The following BICRAL variants were observed in gnomAD, a reference collection of about 807,000 sequenced individuals.
BICRAL encodes BRD4-interacting chromatin-remodeling complex-associated protein-like.
Under a neutral mutation model 91.8 loss-of-function variants are expected in BICRAL, and 8 were observed. That is an observed-to-expected ratio of 0.09 (90% CI 0.05 to 0.16). The LOEUF is 0.16. BICRAL is among the 10% of genes least tolerant of loss of function. The pLI, the probability that BICRAL is intolerant of heterozygous loss-of-function variation, is 1.00. For missense variants in BICRAL, 1,038 were observed against 1,310.9 expected (o/e 0.79, Z 3.21); for synonymous variants, 445 against 491.1 (o/e 0.91, Z 1.24).
At chr6:42,813,614 A>G (rs1196725231) in intron 2 of BICRAL, among the ~76,000 whole-genome samples, 3 of 152,066 alleles carry the variant, frequency 2.0e-5, no homozygotes, top group African/African-American at 7.2e-5. Flanking sequence ...CAACCTCCCC[A>G]GGCTCAGGTG....
upstream of BICRAL, among the ~76,000 whole-genome samples, chr6:42,779,271 CA>C: frequency 7.5e-6 from 1 of 132,656 alleles, no homozygotes; most frequent in African/African-American, 2.9e-5. Context: ...CACACACACA[CA>C]CATATCATTG....
At chr6:42,750,282 T>G (rs1582795322) in intron 1 of BICRAL, among the ~76,000 whole-genome samples, 1 of 152,024 alleles carries the variant, frequency 6.6e-6, no homozygotes, top group South Asian at 2.1e-4. Context: ...CACCTTAGCC[T>G]CCTGAGTAGC....
chr6:42,819,104 A>G (rs1764071833), intron 2 of BICRAL, among the ~76,000 whole-genome samples: 1 of 152,060 alleles, frequency 6.6e-6, no homozygotes, highest in Non-Finnish European at 1.5e-5. Flanking sequence ...GCCTCATAAA[A>G]TCCACCTGGG....
intron 1 of BICRAL, among the ~76,000 whole-genome samples, chr6:42,759,368 C>G (rs1762508992): frequency 6.6e-6 from 1 of 152,126 alleles, no homozygotes; most frequent in Admixed American, 6.5e-5. Flanking sequence ...AGTCTGGATG[C>G]TCTGTGTGAA....
intron 1 of BICRAL, among the ~76,000 whole-genome samples, chr6:42,757,474 G>C (rs763041294): frequency 1.3e-5 from 2 of 152,104 alleles, no homozygotes; most frequent in Admixed American, 1.3e-4. Flanking sequence ...GGATGGTCTC[G>C]ATCTCCTGAC....
chr6:42,858,123 A>G (rs1432665090), intron 10 of BICRAL, among the ~76,000 whole-genome samples: 1 of 151,414 alleles, frequency 6.6e-6, no homozygotes, highest in Non-Finnish European at 1.5e-5. Context: ...ACTGTTTCTA[A>G]TAGTTTTATG....
At position 42,866,971 on chromosome 6, in the gene BICRAL, T is replaced by A. The variant is rs905195964; in HGVS notation, c.*1525T>A. On this transcript the variant is annotated 3_prime_UTR_variant, in exon 13 of 13. Coordinates refer to ENST00000314073, the MANE Select transcript of BICRAL (RefSeq NM_001393499.1). ...GAGCTGCTCGGATCCAGAGGTCATT[T>A]TTGTTACAGTGTGTGCACACTCACT... 1.4e-5 allele frequency: 6 copies of A among 431,556 alleles called. No homozygotes were observed. Among genetic ancestry groups the A allele is most frequent in the South Asian group, 8.2e-5 (5 of 60,988 alleles). The allele number at this position is 431,556 out of a possible 1,614,324, so 26.7% of individuals were successfully genotyped here. A position where few individuals can be genotyped will look rare whatever the true frequency, so the allele number is the denominator to read the frequency against.
chr6:42,807,716 G>A (rs1333293142), intron 1 of BICRAL, among the ~76,000 whole-genome samples: 1 of 150,820 alleles, frequency 6.6e-6, no homozygotes, highest in East Asian at 2.0e-4. Context: ...TGAGGCAGGA[G>A]AATCGCTTGA....
At chr6:42,772,709 C>T (rs566005441) in intron 1 of BICRAL, among the ~76,000 whole-genome samples, 1 of 152,076 alleles carries the variant, frequency 6.6e-6, no homozygotes, top group African/African-American at 2.4e-5. Flanking sequence ...ACAACCAGCT[C>T]TAGAATCTAG....
intron 1 of BICRAL, among the ~76,000 whole-genome samples, chr6:42,788,861 G>A (rs1017703118): frequency 2.0e-5 from 3 of 152,144 alleles, no homozygotes; most frequent in Non-Finnish European, 4.4e-5. Context: ...TGAATTTAAG[G>A]TGAAACCAGT....
At chr6:42,814,674 C>T (rs1188742178) in intron 2 of BICRAL, among the ~76,000 whole-genome samples, 1 of 150,986 alleles carries the variant, frequency 6.6e-6, no homozygotes, top group Non-Finnish European at 1.5e-5. Flanking sequence ...TACAGGCATG[C>T]GCCACCATGG....
At chr6:42,810,916 A>G (rs762898858) in intron 2 of BICRAL, among the ~76,000 whole-genome samples, 54 of 152,270 alleles carry the variant, frequency 3.5e-4, no homozygotes, top group Non-Finnish European at 6.8e-4. Flanking sequence ...AAAACTGTAT[A>G]AACAATTTAA....
intron 10 of BICRAL, among the ~76,000 whole-genome samples, chr6:42,858,616 G>A (rs902612218): frequency 7.4e-5 from 11 of 148,948 alleles, no homozygotes; most frequent in Admixed American, 4.0e-4. Context: ...TCAGGAGTTC[G>A]AGACCAGCCT....
chr6:42,825,470 CA>C (rs1173820916), intron 5 of BICRAL, among the ~76,000 whole-genome samples: 1 of 150,814 alleles, frequency 6.6e-6, no homozygotes, highest in Non-Finnish European at 1.5e-5. Flanking sequence ...GAGGCTGAGG[CA>C]GGAGAATGGC....
chr6:42,830,520 T>C (rs1421099768), intron 6 of BICRAL, among the ~76,000 whole-genome samples: 4 of 152,002 alleles, frequency 2.6e-5, no homozygotes, highest in Admixed American at 2.6e-4. Context: ...GAGCCATGAT[T>C]GTACCACTGC....
intron 5 of BICRAL, among the ~76,000 whole-genome samples, chr6:42,824,859 A>T (rs1457463085): frequency 6.6e-6 from 1 of 152,232 alleles, no homozygotes; most frequent in African/African-American, 2.4e-5. Context: ...ATGGTGGCCC[A>T]TGCCTATAAT....
chr6:42,772,852 A>C (rs116472189), intron 1 of BICRAL, among the ~76,000 whole-genome samples: 12 of 152,290 alleles, frequency 7.9e-5, no homozygotes, highest in Non-Finnish European at 1.6e-4. Context: ...AGATTTTGGA[A>C]GTGAGTTTTG....
chr6:42,828,503 C>T lies in BICRAL; in HGVS notation c.170C>T (p.Pro57Leu). The change falls in exon 6 of 13, where the codon CCT becomes CTT. Residue 57 changes from proline (P) to leucine (L), a missense_variant. By Grantham distance (98) the Pro-to-Leu change is moderately conservative (BLOSUM62 -3). Around this residue, in one of 5 missense-constraint regions of BICRAL, gnomAD observed 115 missense variants for 121.5 expected, o/e 0.95. Coordinates refer to ENST00000314073, the MANE Select transcript of BICRAL (RefSeq NM_001393499.1). Reference protein sequence around the residue: ...SIFANSSNADPKSSLKGVSNQ... With the variant: ...SIFANSSNADLKSSLKGVSNQ... ...TGTTTATTTTTTTAGAATGCTGATC[C>T]TAAGTCATCCCTCAAAGGTGTAAGC... 2 of 1,611,156 alleles carry T rather than the reference C, an allele frequency of 1.2e-6. No individual in the cohort carries two copies. The highest frequency in any genetic ancestry group is 1.7e-6 in the Non-Finnish European group (2 of 1,178,748).
intron 11 of BICRAL, 72 bp downstream of exon 11, chr6:42,860,428 G>A (rs1486345689): frequency 2.4e-6 from 2 of 847,966 alleles, no homozygotes; most frequent in Non-Finnish European, 3.9e-6. Context: ...GAGACAGAAA[G>A]GTCAAGGAAT....
Sources: gnomAD v4.1 joint callset for allele counts (sites outside exome capture counted in the v4.1 genomes callset) on GRCh38, gnomAD v4.1.1 for gene constraint, gnomAD v4.1.1 regional missense constraint, MANE v1.5 for transcripts, NCBI Gene and HGNC (gene_info 2026-07-23, HGNC 2026-07-21) for gene names.